Variants in USH2A observed in about 807,000 individuals in gnomAD.
The protein encoded by USH2A is usherin.
USH2A carries 443 observed loss-of-function variants against 538.9 expected under a neutral mutation model. The observed-to-expected ratio is 0.82, with a 90% CI of 0.76 to 0.89. The LOEUF (loss-of-function observed/expected upper bound fraction) is 0.89. Ranked by LOEUF, USH2A falls within the 40% of genes least tolerant of loss-of-function variation. The pLI, the probability that USH2A is intolerant of heterozygous loss-of-function variation, is 0.00. For missense variants in USH2A, 6,633 were observed against 6,324.8 expected, an observed-to-expected ratio of 1.05 and a Z score of -1.65; for synonymous variants, 2,413 against 2,273.5, an observed-to-expected ratio of 1.06 and a Z score of -1.75.
intron 16 of USH2A, among the ~76,000 whole-genome samples, chr1:216,203,231 A>G (rs986492282): frequency 6.6e-6 from 1 of 151,834 alleles, no homozygotes; most frequent in Non-Finnish European, 1.5e-5. Flanking sequence ...ACATATATGT[A>G]TATATATACA....
rs372388546 is a variant in USH2A at position 216,190,379 on chromosome 1, AAAAGAAAG to A, written c.4252-20_4252-13del. On this transcript the variant is annotated splice_polypyrimidine_tract_variant and intron_variant, in intron 19 of 71. Transcript: ENST00000307340. ...GCAGTGTGCAACAGCTTCAAGGCAA[AAAAGAAAG>A]AAAGAAAGAAAGAAAGATAATAGGT... is the stretch of plus-strand genomic sequence containing the variant. The A allele has an allele frequency of 1.9e-5, 30 of 1,609,002 alleles. No homozygotes were observed. Among genetic ancestry groups the A allele is most frequent in the African/African-American group, 2.7e-5 (2 of 74,550 alleles).
At chr1:215,752,120 TTTAAGA>T (rs1170266893) in intron 58 of USH2A, among the ~76,000 whole-genome samples, 1 of 152,170 alleles carries the variant, frequency 6.6e-6, no homozygotes, top group African/African-American at 2.4e-5. Flanking sequence ...TATGTCTCTG[TTTAAGA>T]TTAAGTTAAT....
rs76264690 is a variant in USH2A, at chr1:215,929,391, G to A, written c.7300+5225C>T. ...AAGAAAATCACTTCCCATGCTTCCT[G>A]CTTACTTCATCATCTAATATGCATC... On this transcript the variant is annotated intron_variant, in intron 38 of 71. Coordinates refer to ENST00000307340, the MANE Select transcript of USH2A (RefSeq NM_206933.4). 3.4e-3 allele frequency among the ~76,000 whole-genome samples: 521 copies of A among 152,104 alleles called. 4 individuals carry two copies. The highest frequency in any genetic ancestry group is 0.012 in the African/African-American group (502 of 41,524).
At chr1:215,653,468 C>T (rs1407658302) in intron 64 of USH2A, among the ~76,000 whole-genome samples, 1 of 152,064 alleles carries the variant, frequency 6.6e-6, no homozygotes, top group Non-Finnish European at 1.5e-5. Context: ...AATCAACATG[C>T]TTATGCAAAG....
intron 14 of USH2A, among the ~76,000 whole-genome samples, chr1:216,223,666 C>G (rs1302007298): frequency 6.6e-6 from 1 of 152,082 alleles, no homozygotes; most frequent in Non-Finnish European, 1.5e-5. Flanking sequence ...GGCTTGTGGC[C>G]CATTTACCCT....
intron 37 of USH2A, among the ~76,000 whole-genome samples, chr1:215,950,392 A>G (rs1268913868): frequency 6.6e-6 from 1 of 152,144 alleles, no homozygotes; most frequent in Non-Finnish European, 1.5e-5. Context: ...AAAATATGAT[A>G]TGTGTTTGTA....
chr1:215,661,324 G>C (rs1047368588), intron 64 of USH2A, among the ~76,000 whole-genome samples: 2 of 152,152 alleles, frequency 1.3e-5, no homozygotes, highest in Non-Finnish European at 2.9e-5. Context: ...AAAGGGAAGA[G>C]AGAGTTCAGG....
At chr1:216,004,041 A>G (rs1668335155) in intron 32 of USH2A, among the ~76,000 whole-genome samples, 2 of 152,186 alleles carry the variant, frequency 1.3e-5, no homozygotes, top group Admixed American at 1.3e-4. Context: ...GTTGACTCCA[A>G]GGCTTTTGAC....
chr1:216,389,221 T>G (rs1044457256), intron 3 of USH2A, among the ~76,000 whole-genome samples: 2 of 151,836 alleles, frequency 1.3e-5, no homozygotes, highest in African/African-American at 4.8e-5. Flanking sequence ...AAAAAAAGAG[T>G]CTTAAGGATG....
intron 71 of USH2A, among the ~76,000 whole-genome samples, chr1:215,626,822 G>A (rs1656041128): frequency 6.6e-6 from 1 of 152,070 alleles, no homozygotes; most frequent in Non-Finnish European, 1.5e-5. Flanking sequence ...GATGATAATA[G>A]AACCTACTTC....
chr1:215,818,483 T>C (rs905416989), intron 47 of USH2A, among the ~76,000 whole-genome samples: 1 of 151,822 alleles, frequency 6.6e-6, no homozygotes, highest in African/African-American at 2.4e-5. Flanking sequence ...AAGATTCCCG[T>C]AAGAAATATG....
intron 61 of USH2A, among the ~76,000 whole-genome samples, chr1:215,694,245 G>T (rs572145810): frequency 5.7e-4 from 86 of 152,192 alleles, no homozygotes; most frequent in African/African-American, 1.9e-3. Context: ...CACTCTTTTC[G>T]ATTTAAATTA....
chr1:216,054,829 A>C (rs955290193), intron 30 of USH2A, among the ~76,000 whole-genome samples: 2 of 152,158 alleles, frequency 1.3e-5, no homozygotes, highest in African/African-American at 4.8e-5. Flanking sequence ...AGGTGTCTGC[A>C]TTGATGTCAC....
chr1:216,293,906 T>C (rs985861282), intron 9 of USH2A, among the ~76,000 whole-genome samples: 1 of 152,228 alleles, frequency 6.6e-6, no homozygotes, highest in African/African-American at 2.4e-5. Context: ...GTTTATGTAA[T>C]TACTCACAGT....
chr1:215,778,375 G>T (rs1661524861), intron 55 of USH2A, among the ~76,000 whole-genome samples: 1 of 152,110 alleles, frequency 6.6e-6, no homozygotes, highest in African/African-American at 2.4e-5. Flanking sequence ...CATTGATTTA[G>T]CCCAGGATCT....
intron 38 of USH2A, among the ~76,000 whole-genome samples, chr1:215,931,678 G>T (rs1275973875): frequency 1.3e-5 from 2 of 151,984 alleles, no homozygotes; most frequent in South Asian, 4.1e-4. Context: ...AAAACAAGTC[G>T]TTAAGCAATC....
At chr1:215,862,906 T>C (rs183213673) in intron 44 of USH2A, among the ~76,000 whole-genome samples, 15 of 152,304 alleles carry the variant, frequency 9.8e-5, no homozygotes, top group Non-Finnish European at 1.5e-4. Flanking sequence ...ATTTTAAAAC[T>C]ATTTATTCAT....
At chr1:216,415,781 C>T (rs1479564415) in intron 3 of USH2A, among the ~76,000 whole-genome samples, 2 of 152,038 alleles carry the variant, frequency 1.3e-5, no homozygotes, top group Non-Finnish European at 2.9e-5. Flanking sequence ...TCACTTCTAC[C>T]TCCCAAAATG....
chr1:215,861,837 G>C (rs911335767), intron 44 of USH2A, among the ~76,000 whole-genome samples: 2 of 109,566 alleles, frequency 1.8e-5, no homozygotes, highest in African/African-American at 3.9e-5. Context: ...AGTAGTTTTC[G>C]CTTTTTTTTT....
Sources: gnomAD v4.1 joint callset for allele counts (sites outside exome capture counted in the v4.1 genomes callset) on GRCh38, gnomAD v4.1.1 for gene constraint, MANE v1.5 for transcripts, NCBI Gene and HGNC (gene_info 2026-07-23, HGNC 2026-07-21) for gene names.